Variants in NDST3 observed in about 807,000 individuals in gnomAD.
The protein encoded by NDST3 is bifunctional heparan sulfate N-deacetylase/N-sulfotransferase 3.
In NDST3, 58 loss-of-function variants were observed where a neutral mutation model predicts 96.1. The observed-to-expected ratio is 0.60, with a 90% CI of 0.49 to 0.75. The LOEUF (loss-of-function observed/expected upper bound fraction) is 0.75, where lower values mean the gene tolerates loss of function less well. Ranked by LOEUF, NDST3 falls within the 30% of genes least tolerant of loss-of-function variation. The pLI, the probability that NDST3 is intolerant of heterozygous loss-of-function variation, is 0.00. For synonymous variants in NDST3, 333 were observed against 359.7 expected (o/e 0.93, Z 0.84); for missense variants, 788 against 1,034.2 (o/e 0.76, Z 3.27).
intron 4 of NDST3, among the ~76,000 whole-genome samples, chr4:118,134,899 T>C (rs893797748): frequency 4.6e-5 from 7 of 152,202 alleles, no homozygotes; most frequent in Non-Finnish European, 8.8e-5. Context: ...ATGAAAAGAC[T>C]AATTAGAATT....
intron 6 of NDST3, among the ~76,000 whole-genome samples, chr4:118,164,194 C>G (rs1735392924): frequency 6.6e-6 from 1 of 152,132 alleles, no homozygotes; most frequent in Non-Finnish European, 1.5e-5. Context: ...TTTGCAAGAA[C>G]ATGGATGGAG....
rs750036056 is a variant in NDST3, at chr4:118,054,663, T to G, written c.753T>G (p.Gly251=). 6.2e-7 allele frequency: 1 copy of G among 1,613,260 alleles called. No individual in the cohort carries two copies. Among genetic ancestry groups the G allele is most frequent in the East Asian group, 2.2e-5 (1 of 44,836 alleles). The change falls in exon 2 of 14, where the codon GGT becomes GGG. Residue 251 remains glycine, a synonymous_variant. Transcript: ENST00000296499. The part of the protein sequence containing the change: ...PENLSPSISK[G]AFYATIIHDL... ...ACCTTTCTCCTTCCATCTCTAAAGG[T>G]GCTTTTTATGCCACTATTATACATG...
intron 6 of NDST3, among the ~76,000 whole-genome samples, chr4:118,146,761 C>T (rs1261944638): frequency 6.6e-6 from 1 of 152,154 alleles, no homozygotes; most frequent in Non-Finnish European, 1.5e-5. Flanking sequence ...ACAACTCTCA[C>T]GTAAGCTGGA....
intron 2 of NDST3, chr4:118,055,133 A>G (rs1725337429): frequency 1.1e-5 from 6 of 536,598 alleles, no homozygotes; most frequent in Non-Finnish European, 2.0e-5. Flanking sequence ...GGTTTTCTAC[A>G]TGTATTTACA....
intron 6 of NDST3, among the ~76,000 whole-genome samples, chr4:118,198,727 T>TAAAAAA (rs35524586): frequency 6.7e-6 from 1 of 150,256 alleles, no homozygotes; most frequent in Non-Finnish European, 1.5e-5. Context: ...GCATTTCTTG[T>TAAAAAA]AAAAAAAAAA....
At chr4:118,214,079 T>C (rs1156486559) in intron 6 of NDST3, among the ~76,000 whole-genome samples, 2 of 151,750 alleles carry the variant, frequency 1.3e-5, no homozygotes, top group African/African-American at 2.4e-5. Flanking sequence ...GCAGTGGAGA[T>C]ACAAAGAGGA....
intron 4 of NDST3, 41 bp from the exon 5 acceptor site, chr4:118,138,013 T>C: frequency 6.7e-7 from 1 of 1,488,646 alleles, no homozygotes; most frequent in East Asian, 2.3e-5. Context: ...AGGATCAAGA[T>C]AAATCTTTAC....
intron 9 of NDST3, among the ~76,000 whole-genome samples, chr4:118,236,739 C>T (rs903364095): frequency 6.6e-6 from 1 of 152,144 alleles, no homozygotes; most frequent in African/African-American, 2.4e-5. Flanking sequence ...TACATTGAGA[C>T]ACATTTGATA....
rs544647261 is a variant in NDST3, at chr4:118,072,648, T to C, written c.981+17757T>C. 9.2e-5 allele frequency among the ~76,000 whole-genome samples: 14 copies of C among 152,190 alleles called. No homozygotes were observed. The South Asian group carries it at 2.9e-3, about 32-fold the overall frequency. ...TTTAGGCAGATACTGGGTTTTTCTG[T>C]ATATAAAATTATATCATCTGCAAAC... On this transcript the variant is annotated intron_variant, in intron 2 of 13. Transcript: ENST00000296499.
At chr4:118,224,803 C>T (rs181758953) in intron 7 of NDST3, 130 bp downstream of exon 7, 208 of 718,966 alleles carry the variant, frequency 2.9e-4, no homozygotes, top group Admixed American at 8.9e-4. Flanking sequence ...ATTTGAGAAA[C>T]TACTCCTTCC....
intron 8 of NDST3, among the ~76,000 whole-genome samples, chr4:118,229,322 G>A (rs1740119659): frequency 2.6e-5 from 4 of 152,022 alleles, no homozygotes; most frequent in African/African-American, 9.7e-5. Context: ...GTATTTTTCT[G>A]GATAATTTTG....
intron 6 of NDST3, among the ~76,000 whole-genome samples, chr4:118,222,986 CTT>C (rs1411813320): frequency 6.6e-6 from 1 of 151,870 alleles, no homozygotes; most frequent in Non-Finnish European, 1.5e-5. Flanking sequence ...CACATATAGA[CTT>C]ACTGACAAAT....
chr4:118,227,798 G>C (rs1419250364), intron 8 of NDST3, among the ~76,000 whole-genome samples: 1 of 151,948 alleles, frequency 6.6e-6, no homozygotes, highest in Non-Finnish European at 1.5e-5. Context: ...ATTTTTAGTA[G>C]AGACAGGGTT....
At position 118,154,808 on chromosome 4, in the gene NDST3, T is replaced by C. The variant is rs1370595099; in HGVS notation, c.1539+11124T>C. 2.0e-5 allele frequency among the ~76,000 whole-genome samples: 3 copies of C among 152,212 alleles called. No individual in the cohort carries two copies. In the East Asian group the frequency reaches 5.8e-4, roughly 29 times the overall value. On this transcript the variant is annotated intron_variant, in intron 6 of 13. Coordinates refer to ENST00000296499, the MANE Select transcript of NDST3 (RefSeq NM_004784.3). ...TTCACCCGCTACAACACACTGTTTCTGCACGCCTGGCTAAATTGGTCTTGA... is the reference window on the plus strand; with the variant it reads ...TTCACCCGCTACAACACACTGTTTCCGCACGCCTGGCTAAATTGGTCTTGA...
chr4:118,069,917 A>G (rs1249240608), intron 2 of NDST3, among the ~76,000 whole-genome samples: 4 of 152,054 alleles, frequency 2.6e-5, no homozygotes, highest in Admixed American at 6.6e-5. Flanking sequence ...AGTTTTAATT[A>G]TTACAAATTA....
At position 118,060,240 on chromosome 4, in the gene NDST3, A is replaced by G. The variant is rs376233759; in HGVS notation, c.981+5349A>G. Among the ~76,000 whole-genome samples the G allele has an allele frequency of 3.3e-5, 5 of 152,140 alleles. No individual in the cohort carries two copies. In the East Asian group the frequency reaches 7.7e-4, roughly 24 times the overall value. On this transcript the variant is annotated intron_variant, in intron 2 of 13. Transcript: ENST00000296499. ...CTTGTTCTGAAAATTATTGCCTTCT[A>G]TATTTTGAAGCTATGTTAAGTGCAC...
At chr4:118,235,378 A>C (rs788662) in intron 9 of NDST3, among the ~76,000 whole-genome samples, 126,290 of 152,022 alleles carry the variant, frequency 0.83, 54,180 homozygotes, top group South Asian at 0.95. Flanking sequence ...AAGTGCCAGC[A>C]ACTACACTAG....
intron 6 of NDST3, among the ~76,000 whole-genome samples, chr4:118,191,483 A>T (rs1161929803): frequency 6.6e-6 from 1 of 152,154 alleles, no homozygotes; most frequent in Non-Finnish European, 1.5e-5. Context: ...TGAGTTCAGG[A>T]TGGAGTCCAT....
intron 6 of NDST3, among the ~76,000 whole-genome samples, chr4:118,151,419 C>A (rs1384198099): frequency 1.3e-5 from 2 of 151,880 alleles, no homozygotes; most frequent in South Asian, 4.2e-4. Flanking sequence ...TAAAAAACAA[C>A]AACAACAACA....
Sources: gnomAD v4.1 joint callset for allele counts (sites outside exome capture counted in the v4.1 genomes callset) on GRCh38, gnomAD v4.1.1 for gene constraint, MANE v1.5 for transcripts, NCBI Gene and HGNC (gene_info 2026-07-23, HGNC 2026-07-21) for gene names.